Variants in NARF observed in about 807,000 individuals in gnomAD.
NARF encodes nuclear prelamin A recognition factor, also known as iron-only hydrogenase-like protein 2.
A neutral mutation model predicts 48.0 loss-of-function variants in NARF; 41 were observed. The observed-to-expected ratio is 0.85, with a 90% confidence interval of 0.66 to 1.11. The LOEUF (loss-of-function observed/expected upper bound fraction) is 1.11, where lower values mean the gene tolerates loss of function less well. NARF is among the 50% of genes least tolerant of loss of function. The pLI, the probability that NARF is intolerant of heterozygous loss-of-function variation, is 0.00. For synonymous variants in NARF, 215 were observed against 225.5 expected (o/e 0.95, Z 0.42); for missense variants, 613 against 590.2 (o/e 1.04, Z -0.40).
At chr17:82,481,962 A>T (rs577920702) in intron 7 of NARF, 49 of 318,798 alleles carry the variant, frequency 1.5e-4, no homozygotes, top group South Asian at 1.1e-3. Flanking sequence ...TATTGCCTTT[A>T]CCACGGTATT....
At chr17:82,458,907 G>C (rs189363872) in intron 1 of NARF, 77 bp downstream of exon 1, 3 of 1,285,062 alleles carry the variant, frequency 2.3e-6, no homozygotes, top group African/African-American at 3.1e-5. Flanking sequence ...TTGGCGGTCC[G>C]GGCCCGCCGC....
chr17:82,473,961 A>T (rs1356087873), intron 5 of NARF, among the ~76,000 whole-genome samples: 2 of 151,430 alleles, frequency 1.3e-5, no homozygotes, highest in African/African-American at 4.8e-5. Flanking sequence ...ATGTGGGAGG[A>T]TTGCTTTAGC....
intron 4 of NARF, among the ~76,000 whole-genome samples, chr17:82,470,139 A>G (rs1246998150): frequency 6.6e-6 from 1 of 152,220 alleles, no homozygotes; most frequent in African/African-American, 2.4e-5. Flanking sequence ...AATAAGGATC[A>G]TCAGGACAGG....
At chr17:82,469,646 C>G (rs950677942) in intron 4 of NARF, among the ~76,000 whole-genome samples, 2 of 152,014 alleles carry the variant, frequency 1.3e-5, no homozygotes, top group African/African-American at 2.4e-5. Flanking sequence ...CTCTTGGTGC[C>G]CCAGGCTGGA....
At chr17:82,480,729 T>A (rs1426489357) in intron 6 of NARF, 1 of 447,604 alleles carries the variant, frequency 2.2e-6, no homozygotes, top group South Asian at 5.4e-5. Context: ...CTCAGGAGTT[T>A]GAGACCAGCC....
chr17:82,466,150 G>T (rs2043561537), intron 3 of NARF, among the ~76,000 whole-genome samples: 1 of 152,164 alleles, frequency 6.6e-6, no homozygotes, highest in Non-Finnish European at 1.5e-5. Context: ...GACTACTAGA[G>T]ACTTAATTCT....
chr17:82,472,509 A>G (rs2043733622), intron 4 of NARF, 55 bp from the exon 5 acceptor site: 4 of 1,522,790 alleles, frequency 2.6e-6, no homozygotes, highest in East Asian at 4.8e-5. Context: ...GAGGAAGCCT[A>G]AAAGTAGATC....
Position 82,481,210 on chromosome 17 carries a change from A to G in NARF, c.768A>G (p.Ser256=). ...GSRGADCVLT[S]GEIAQIMEQG... is the part of the protein sequence containing the mutation. ...GGGGCGCTGACTGCGTGTTAACATC[A>G]GGTGAGAGGTGGGCGGGGGTGCACC... Residue 256 remains serine (S), a splice_region_variant and synonymous_variant, in exon 7 of 11, where the codon TCA becomes TCG. Coordinates refer to ENST00000309794, the MANE Select transcript of NARF (RefSeq NM_012336.4). 6.2e-7 allele frequency: 1 copy of G among 1,613,812 alleles called. No homozygotes were observed. Among genetic ancestry groups the G allele is most frequent in the Non-Finnish European group, 8.5e-7 (1 of 1,179,974 alleles).
intron 3 of NARF, among the ~76,000 whole-genome samples, chr17:82,467,255 C>G (rs1255095531): frequency 6.6e-6 from 1 of 152,018 alleles, no homozygotes; most frequent in African/African-American, 2.4e-5. Flanking sequence ...CCCTTTTGGC[C>G]AGGCTGGTCT....
At chr17:82,480,903 A>C in intron 6 of NARF, 179 bp from the exon 7 acceptor site, 1 of 793,240 alleles carries the variant, frequency 1.3e-6, no homozygotes, top group South Asian at 1.7e-5. Flanking sequence ...CTGCACTCCA[A>C]CCTGGTGACA....
chr17:82,472,446 T>TG, intron 4 of NARF, 118 bp from the exon 5 acceptor site: 1 of 1,175,184 alleles, frequency 8.5e-7, no homozygotes, highest in Non-Finnish European at 1.2e-6. Context: ...ATTATGCCAC[T>TG]GCACTCTAGC....
intron 5 of NARF, among the ~76,000 whole-genome samples, chr17:82,473,295 A>ATTT (rs71168112): frequency 4.1e-5 from 5 of 120,678 alleles, no homozygotes; most frequent in African/African-American, 9.1e-5. Context: ...ACATGTCTCT[A>ATTT]TTTTTTTTTT....
chr17:82,481,840 G>A (rs1403421031), intron 7 of NARF: 9 of 387,536 alleles, frequency 2.3e-5, no homozygotes, highest in South Asian at 1.7e-4. Context: ...TGGTGGGAAA[G>A]TTGTCTATAG....
chr17:82,485,611 C>T lies in NARF; in HGVS notation c.1086C>T (p.Gly362=). The change falls in exon 10 of 11, where the codon GGC becomes GGT. Residue 362 remains glycine (G), a synonymous_variant. Coordinates refer to ENST00000309794, the MANE Select transcript of NARF (RefSeq NM_012336.4). The part of the protein sequence containing the change: ...IQNMILKLKK[G]KFPFHFVEVL... ...ACATGATCCTGAAGCTTAAGAAGGG[C>T]AAGTTCCCATTCCACTTTGTGGAGG... is the stretch of plus-strand genomic sequence containing the variant. 1.2e-6 allele frequency: 2 copies of T among 1,614,194 alleles called. No homozygotes were observed. The highest frequency in any genetic ancestry group is 1.3e-5 in the African/African-American group (1 of 75,052).
Position 82,481,201 on chromosome 17 carries a change from G to T in NARF, c.759G>T (p.Val253=). The change falls in exon 7 of 11, where the codon GTG becomes GTT. Residue 253 remains valine (V), a synonymous_variant. Transcript: ENST00000309794. ...ATGGCTCCCGGGGCGCTGACTGCGT[G>T]TTAACATCAGGTGAGAGGTGGGCGG... ...ALHGSRGADC[V]LTSGEIAQIM... The T allele has an allele frequency of 6.2e-7, 1 of 1,614,016 alleles. No individual in the cohort carries two copies. Among genetic ancestry groups the T allele is most frequent in the Non-Finnish European group, 8.5e-7 (1 of 1,180,006 alleles).
upstream of NARF, chr17:82,458,739 G>A (rs914907541): frequency 6.8e-7 from 1 of 1,467,398 alleles, no homozygotes. Flanking sequence ...GCGGGCAGTG[G>A]TGTCCCAGTC....
intron 7 of NARF, chr17:82,483,275 C>T (rs1354049229): frequency 5.4e-6 from 2 of 372,558 alleles, no homozygotes; most frequent in Non-Finnish European, 1.1e-5. Flanking sequence ...GACAAGATTG[C>T]ACCACTGGAC....
At chr17:82,462,024 C>T (rs2043451003) in intron 2 of NARF, among the ~76,000 whole-genome samples, 1 of 152,166 alleles carries the variant, frequency 6.6e-6, no homozygotes, top group Non-Finnish European at 1.5e-5. Flanking sequence ...CCTCACCTGC[C>T]CTCTGGTTGT....
At chr17:82,483,808 TG>T in intron 8 of NARF, 29 bp downstream of exon 8, 1 of 1,609,038 alleles carries the variant, frequency 6.2e-7, no homozygotes, top group Non-Finnish European at 8.5e-7. Context: ...GAGAGTCCTC[TG>T]GGGGGCAGGA....
Sources: gnomAD v4.1 joint callset for allele counts (sites outside exome capture counted in the v4.1 genomes callset) on GRCh38, gnomAD v4.1.1 for gene constraint, MANE v1.5 for transcripts, NCBI Gene and HGNC (gene_info 2026-07-23, HGNC 2026-07-21) for gene names.